The following PCDHGA10 variants were observed in gnomAD, a reference collection of about 807,000 sequenced individuals.
PCDHGA10 encodes the protein protocadherin gamma-A10.
A neutral mutation model predicts 59.5 loss-of-function variants in PCDHGA10; 42 were observed. The observed-to-expected ratio is 0.71, with a 90% confidence interval of 0.55 to 0.91. The LOEUF (loss-of-function observed/expected upper bound fraction) is 0.91. Ranked by LOEUF, PCDHGA10 falls within the 40% of genes least tolerant of loss-of-function variation. The probability of loss-of-function intolerance (pLI) is 0.00; values close to 1 mark genes in which losing one functional copy is unlikely to be tolerated. For synonymous variants in PCDHGA10, 511 were observed against 517.2 expected (o/e 0.99, Z 0.16); for missense variants, 1,111 against 1,198.2 (o/e 0.93, Z 1.07).
intron 1 of PCDHGA10, among the ~76,000 whole-genome samples, chr5:141,447,851 C>A (rs961725006): frequency 6.6e-6 from 1 of 151,980 alleles, no homozygotes; most frequent in African/African-American, 2.4e-5. Flanking sequence ...TTTGGGAGGC[C>A]GAGGTGGGTG....
chr5:141,417,525 C>G (rs1435259680), intron 1 of PCDHGA10: 1 of 272,692 alleles, frequency 3.7e-6, no homozygotes, highest in African/African-American at 2.2e-5. Flanking sequence ...GCTGTCAACT[C>G]GTAGTTTAAA....
At chr5:141,422,907 G>A in intron 1 of PCDHGA10, 1 of 1,614,196 alleles carries the variant, frequency 6.2e-7, no homozygotes, top group Non-Finnish European at 8.5e-7. Context: ...ACGACAATGC[G>A]CCCGAGATCC....
chr5:141,433,641 G>T (rs1177387884), intron 1 of PCDHGA10, among the ~76,000 whole-genome samples: 1 of 152,104 alleles, frequency 6.6e-6, no homozygotes, highest in Admixed American at 6.5e-5. Flanking sequence ...TTTGAGACCA[G>T]CCTGACCAAC....
In PCDHGA10 at chr5:141,476,335, C is replaced by A; in HGVS notation, c.2437-18472C>A. On this transcript the variant is annotated intron_variant, in intron 1 of 3. Coordinates refer to ENST00000398610, the MANE Select transcript of PCDHGA10 (RefSeq NM_018913.3). The surrounding 1 kb of genome is among the most constrained non-coding windows in gnomAD (Gnocchi z 7.6). Reference sequence around the variant, plus strand: ...GGTTCCGGGTGGTGTCTGGAGCTAGCCGAAGATTCTTTGAGGTGAACCGGG... The same window carrying A: ...GGTTCCGGGTGGTGTCTGGAGCTAGACGAAGATTCTTTGAGGTGAACCGGG... 2 of 1,614,120 alleles carry A rather than the reference C, an allele frequency of 1.2e-6. No individual in the cohort carries two copies. Among genetic ancestry groups the A allele is most frequent in the Non-Finnish European group, 1.7e-6 (2 of 1,180,026 alleles).
At chr5:141,449,022 A>G (rs2154562454) in intron 1 of PCDHGA10, among the ~76,000 whole-genome samples, 1 of 152,312 alleles carries the variant, frequency 6.6e-6, no homozygotes, top group Admixed American at 6.5e-5. Context: ...GTTGCTTAGC[A>G]TTCCTTTGGA....
chr5:141,450,104 T>A (rs1041853602), intron 1 of PCDHGA10, among the ~76,000 whole-genome samples: 1 of 150,664 alleles, frequency 6.6e-6, no homozygotes, highest in African/African-American at 2.5e-5. Flanking sequence ...CCTCCCAGGT[T>A]CAAATGATTC....
chr5:141,473,362 C>G (rs2099320242), intron 1 of PCDHGA10, among the ~76,000 whole-genome samples: 1 of 152,166 alleles, frequency 6.6e-6, no homozygotes, highest in South Asian at 2.1e-4. Flanking sequence ...AAGTGGCCAC[C>G]AAAATAGCAT....
At chr5:141,449,888 A>G (rs544369390) in intron 1 of PCDHGA10, among the ~76,000 whole-genome samples, 1 of 151,990 alleles carries the variant, frequency 6.6e-6, no homozygotes, top group Non-Finnish European at 1.5e-5. Flanking sequence ...ATGCAATATA[A>G]TTATTTAGCC....
rs1205836590 is a variant in PCDHGA10 at position 141,476,270 on chromosome 5, G to A, written c.2437-18537G>A. The A allele has an allele frequency of 6.2e-7, 1 of 1,614,088 alleles. No individual in the cohort carries two copies. Among genetic ancestry groups the A allele is most frequent in the Admixed American group, 1.7e-5 (1 of 60,026 alleles). Reference sequence around the variant, plus strand: ...GGGTTTCGCTGTGGGCAACGTGGTCGCGAACCTTGGTTTGGATCTCGGTAG... The same window carrying A: ...GGGTTTCGCTGTGGGCAACGTGGTCACGAACCTTGGTTTGGATCTCGGTAG... On this transcript the variant is annotated intron_variant, in intron 1 of 3. Transcript: ENST00000398610. The surrounding 1 kb of genome is among the most constrained non-coding windows in gnomAD (Gnocchi z 7.6).
chr5:141,504,351 G>A (rs77439649), intron 2 of PCDHGA10, among the ~76,000 whole-genome samples: 2 of 152,010 alleles, frequency 1.3e-5, no homozygotes, highest in African/African-American at 4.8e-5. Context: ...CTTTGTGCTA[G>A]GTGCTTCAGT....
chr5:141,446,469 T>C (rs538381725), intron 1 of PCDHGA10, among the ~76,000 whole-genome samples: 2 of 149,740 alleles, frequency 1.3e-5, no homozygotes, highest in South Asian at 4.2e-4. Flanking sequence ...TGATTAGACA[T>C]ATGGTCATCA....
chr5:141,419,084 GC>G (rs1218012099), intron 1 of PCDHGA10: 1 of 1,613,802 alleles, frequency 6.2e-7, no homozygotes, highest in African/African-American at 1.3e-5. Flanking sequence ...AACAGATGAG[GC>G]CCTGGATCGG....
chr5:141,428,029 C>T (rs775747505), intron 1 of PCDHGA10: 1 of 1,607,160 alleles, frequency 6.2e-7, no homozygotes, highest in Non-Finnish European at 8.5e-7. Flanking sequence ...GCCGCAGAGT[C>T]CGGCTACCTG....
At chr5:141,416,245 C>T (rs1029299377) in intron 1 of PCDHGA10, 1 of 152,234 alleles carries the variant, frequency 6.6e-6, no homozygotes, top group Non-Finnish European at 1.5e-5. Flanking sequence ...CTATTTATAA[C>T]TGATAACACT....
rs200646513 is a variant in PCDHGA10, at chr5:141,421,389, G to A, written c.2436+5778G>A. ...TGGGCAATATCTCCAAGGACCTGGG[G>A]CTGGAGCCCCGGGAGCTGGCGAAGC... On this transcript the variant is annotated intron_variant, in intron 1 of 3. Coordinates refer to ENST00000398610, the MANE Select transcript of PCDHGA10 (RefSeq NM_018913.3). The A allele has an allele frequency of 1.7e-3, 2,771 of 1,614,052 alleles. 5 individuals carry two copies. The highest frequency in any genetic ancestry group is 2.2e-3 in the Non-Finnish European group (2,560 of 1,179,918).
intron 1 of PCDHGA10, among the ~76,000 whole-genome samples, chr5:141,455,425 A>G (rs2098822334): frequency 1.3e-5 from 2 of 152,168 alleles, no homozygotes; most frequent in African/African-American, 2.4e-5. Flanking sequence ...CGGGGCTCCA[A>G]AAGAGGAGGT....
At chr5:141,461,826 T>G (rs1466528519) in intron 1 of PCDHGA10, among the ~76,000 whole-genome samples, 2 of 151,912 alleles carry the variant, frequency 1.3e-5, no homozygotes, top group Non-Finnish European at 1.5e-5. Flanking sequence ...GCTAATTTTT[T>G]TTTCTTTTTT....
At position 141,487,855 on chromosome 5, in the gene PCDHGA10, A is replaced by T; in HGVS notation, c.2437-6952A>T. 1 of 974,210 alleles carries T rather than the reference A, an allele frequency of 1.0e-6. No homozygotes were observed. 60.3% of individuals were successfully genotyped at this position (974,210 alleles called of 1,614,324 possible). A position where few individuals can be genotyped will look rare whatever the true frequency, so the allele number is the denominator to read the frequency against. On this transcript the variant is annotated intron_variant, in intron 1 of 3. Coordinates refer to ENST00000398610, the MANE Select transcript of PCDHGA10 (RefSeq NM_018913.3). This position sits in a 1 kb window ranked among gnomAD's most constrained non-coding sequence, Gnocchi z 5.0. Reference sequence around the variant, plus strand: ...TATATCTGAGTAAGAAATGAAAGTAATTGGTGATCAAGAGCCAGGCTGTTG... The same window carrying T: ...TATATCTGAGTAAGAAATGAAAGTATTTGGTGATCAAGAGCCAGGCTGTTG...
chr5:141,508,183 A>G (rs1596134418), intron 3 of PCDHGA10: 1 of 152,336 alleles, frequency 6.6e-6, no homozygotes, highest in African/African-American at 2.4e-5. Context: ...GAGAGAAGGC[A>G]TCACCCCCAC....
Sources: gnomAD v4.1 joint callset for allele counts (sites outside exome capture counted in the v4.1 genomes callset) on GRCh38, gnomAD v4.1.1 for gene constraint, Gnocchi (gnomAD v3.1) non-coding constraint, MANE v1.5 for transcripts, NCBI Gene and HGNC (gene_info 2026-07-23, HGNC 2026-07-21) for gene names.